Variants in SHQ1 observed in about 807,000 individuals in gnomAD.
The protein encoded by SHQ1 is SHQ1, H/ACA ribonucleoprotein assembly factor.
In SHQ1, 49 loss-of-function variants were observed where a neutral mutation model predicts 53.8. That is an observed-to-expected ratio of 0.91 (90% CI 0.72 to 1.16). The LOEUF (loss-of-function observed/expected upper bound fraction) is 1.16. SHQ1 is among the 50% of genes most tolerant of loss of function. SHQ1 has a pLI of 0.00. For missense variants in SHQ1, 738 were observed against 683.1 expected (o/e 1.08, Z -0.90); for synonymous variants, 243 against 251.0 (o/e 0.97, Z 0.30).
chr3:72,835,727 C>G (rs1707973485), intron 4 of SHQ1, among the ~76,000 whole-genome samples: 1 of 152,192 alleles, frequency 6.6e-6, no homozygotes, highest in African/African-American at 2.4e-5. Flanking sequence ...AAGCCACTCA[C>G]TATTCTTTCC....
intron 10 of SHQ1, among the ~76,000 whole-genome samples, chr3:72,780,792 T>C (rs1485434506): frequency 6.6e-6 from 1 of 152,132 alleles, no homozygotes; most frequent in Non-Finnish European, 1.5e-5. Flanking sequence ...GGATGTAAAG[T>C]AATATCTCAT....
At chr3:72,783,646 AATC>A (rs1387278112) in intron 10 of SHQ1, among the ~76,000 whole-genome samples, 2 of 152,222 alleles carry the variant, frequency 1.3e-5, no homozygotes, top group African/African-American at 4.8e-5. Flanking sequence ...AATGTATCAT[AATC>A]ATGATGTCCA....
At chr3:72,735,113 C>T in the SHQ1 span, among the ~76,000 whole-genome samples, 1 of 151,794 alleles carries the variant, frequency 6.6e-6, no homozygotes, top group Non-Finnish European at 1.5e-5. Context: ...TTTTCTTATA[C>T]ACTAAAAGTG....
chr3:72,805,979 TA>T (rs1706930416), intron 9 of SHQ1, among the ~76,000 whole-genome samples: 1 of 152,150 alleles, frequency 6.6e-6, no homozygotes, highest in Non-Finnish European at 1.5e-5. Flanking sequence ...TTAGAAGTAT[TA>T]GGGGGAAAGA....
At chr3:72,728,952 C>T in the SHQ1 span, among the ~76,000 whole-genome samples, 1 of 152,174 alleles carries the variant, frequency 6.6e-6, no homozygotes, top group Non-Finnish European at 1.5e-5. Flanking sequence ...CTACTGAGAG[C>T]CCAGATATAA....
At chr3:72,747,017 C>T (rs1015148757), downstream of SHQ1, among the ~76,000 whole-genome samples, 31 of 152,280 alleles carry the variant, frequency 2.0e-4, no homozygotes, top group African/African-American at 7.2e-4. Context: ...ATTTTAAGTG[C>T]CGTAGTCACC....
chr3:72,837,907 A>G (rs1006733295), intron 4 of SHQ1, among the ~76,000 whole-genome samples: 2 of 152,186 alleles, frequency 1.3e-5, no homozygotes, highest in Non-Finnish European at 2.9e-5. Context: ...ATCTACCTTA[A>G]TATCTTCAAG....
chr3:72,805,552 T>A (rs1342744222), intron 9 of SHQ1, among the ~76,000 whole-genome samples: 1 of 152,212 alleles, frequency 6.6e-6, no homozygotes, highest in East Asian at 1.9e-4. Context: ...AAGTTTTTTT[T>A]AAGCCATACA....
intron 2 of SHQ1, 136 bp downstream of exon 2, chr3:72,844,223 A>G: frequency 2.8e-6 from 2 of 706,464 alleles, no homozygotes; most frequent in South Asian, 3.8e-5. Flanking sequence ...CTGGACACTA[A>G]GAAACAAGAA....
At chr3:72,743,806 A>AT in the SHQ1 span, among the ~76,000 whole-genome samples, 1 of 152,228 alleles carries the variant, frequency 6.6e-6, no homozygotes, top group Non-Finnish European at 1.5e-5. Context: ...TAGGACACGC[A>AT]TATTTACCCC....
At chr3:72,799,909 T>C (rs1706734540) in intron 9 of SHQ1, among the ~76,000 whole-genome samples, 1 of 152,126 alleles carries the variant, frequency 6.6e-6, no homozygotes, top group Admixed American at 6.5e-5. Context: ...TTACTTTTTC[T>C]GGAAACAGGG....
chr3:72,809,013 T>C (rs1011341155), intron 9 of SHQ1, among the ~76,000 whole-genome samples: 13 of 152,208 alleles, frequency 8.5e-5, no homozygotes, highest in African/African-American at 2.7e-4. Context: ...TTCTGTTACC[T>C]TAAACCAAGA....
At chr3:72,729,452 A>T in the SHQ1 span, among the ~76,000 whole-genome samples, 2 of 152,342 alleles carry the variant, frequency 1.3e-5, no homozygotes, top group African/African-American at 4.8e-5. Context: ...ACCCACCAGG[A>T]AACACACGCC....
intron 10 of SHQ1, among the ~76,000 whole-genome samples, chr3:72,775,242 A>G (rs1309851928): frequency 6.6e-6 from 1 of 152,126 alleles, no homozygotes; most frequent in Non-Finnish European, 1.5e-5. Context: ...TGTAAAAGAC[A>G]ACAATTACAG....
At chr3:72,834,470 C>A (rs1292130929) in intron 4 of SHQ1, among the ~76,000 whole-genome samples, 1 of 152,104 alleles carries the variant, frequency 6.6e-6, no homozygotes, top group Non-Finnish European at 1.5e-5. Flanking sequence ...GTGGAGGTTG[C>A]AGTGAGATGA....
In SHQ1 at chr3:72,832,488, A is replaced by C; in HGVS notation, c.487-7T>G. The C allele has an allele frequency of 1.3e-6, 2 of 1,565,138 alleles. No individual in the cohort carries two copies. The highest frequency in any genetic ancestry group is 1.7e-6 in the Non-Finnish European group (2 of 1,151,964). ...TAACATCACTCAGTTCATCCTGAGGACACCCAGAAAAGAAAGAATAATTGC... is the reference window on the plus strand; with the variant it reads ...TAACATCACTCAGTTCATCCTGAGGCCACCCAGAAAAGAAAGAATAATTGC... On this transcript the variant is annotated splice_polypyrimidine_tract_variant and splice_region_variant and intron_variant, in intron 4 of 10. Coordinates refer to ENST00000325599, the MANE Select transcript of SHQ1 (RefSeq NM_018130.3).
intron 8 of SHQ1, among the ~76,000 whole-genome samples, chr3:72,813,409 T>C (rs980206664): frequency 3.5e-5 from 5 of 142,488 alleles, no homozygotes; most frequent in African/African-American, 1.3e-4. Context: ...GAGGCTGCAG[T>C]GAGTCAAGAT....
intron 10 of SHQ1, chr3:72,773,416 T>C (rs568972160): frequency 6.9e-6 from 3 of 435,210 alleles, no homozygotes; most frequent in South Asian, 6.0e-5. Context: ...TGGTGGTAGA[T>C]GAGTGAAATC....
intron 9 of SHQ1, among the ~76,000 whole-genome samples, chr3:72,808,858 T>C (rs1180787110): frequency 2.6e-5 from 4 of 152,130 alleles, no homozygotes; most frequent in Non-Finnish European, 5.9e-5. Flanking sequence ...GATGCTAACC[T>C]CTCTATGCTG....
Sources: allele counts gnomAD v4.1 joint callset (sites outside exome capture counted in the v4.1 genomes callset), GRCh38; gene constraint gnomAD v4.1.1; transcripts MANE v1.5; gene names NCBI Gene and HGNC (gene_info 2026-07-23, HGNC 2026-07-21).